The following BRINP3 variants were observed in gnomAD, a reference collection of about 807,000 sequenced individuals.
BRINP3 encodes BMP/retinoic acid inducible neural specific 3.
BRINP3 carries 19 observed loss-of-function variants against 71.0 expected under a neutral mutation model. That is an observed-to-expected ratio of 0.27 (90% CI 0.19 to 0.39). The LOEUF (loss-of-function observed/expected upper bound fraction) is 0.39. BRINP3 is among the 10% of genes least tolerant of loss of function. The pLI, the probability that BRINP3 is intolerant of heterozygous loss-of-function variation, is 1.00. For missense variants in BRINP3, 959 were observed against 940.8 expected (o/e 1.02, Z -0.25); for synonymous variants, 380 against 337.7 (o/e 1.13, Z -1.37).
intron 7 of BRINP3, among the ~76,000 whole-genome samples, chr1:190,151,753 C>A (rs1222067071): frequency 6.6e-6 from 1 of 152,072 alleles, no homozygotes; most frequent in Non-Finnish European, 1.5e-5. Context: ...ATACCCAGCA[C>A]AAAGAAGACA....
chr1:190,412,156 T>G (rs1169877125), intron 2 of BRINP3, among the ~76,000 whole-genome samples: 1 of 151,540 alleles, frequency 6.6e-6, no homozygotes, highest in Non-Finnish European at 1.5e-5. Flanking sequence ...AAAAAAAAAG[T>G]ACCTAACAGA....
chr1:190,297,296 G>A (rs1212525005), intron 2 of BRINP3, among the ~76,000 whole-genome samples: 1 of 151,974 alleles, frequency 6.6e-6, no homozygotes, highest in East Asian at 1.9e-4. Context: ...GAAATAAACA[G>A]TGTTGAGAAA....
intron 2 of BRINP3, among the ~76,000 whole-genome samples, chr1:190,302,148 T>A (rs2103000702): frequency 6.6e-6 from 1 of 150,910 alleles, no homozygotes; most frequent in South Asian, 2.1e-4. Context: ...TGAAAGCAAA[T>A]GACACATTAT....
chr1:190,313,927 A>T (rs1440551627), intron 2 of BRINP3, among the ~76,000 whole-genome samples: 2 of 152,180 alleles, frequency 1.3e-5, no homozygotes, highest in East Asian at 3.9e-4. Flanking sequence ...GAAAAACTAC[A>T]AATAGGTATT....
chr1:190,133,585 A>T (rs560133340), intron 7 of BRINP3, among the ~76,000 whole-genome samples: 3 of 152,120 alleles, frequency 2.0e-5, no homozygotes, highest in African/African-American at 7.2e-5. Context: ...TATATTCTAC[A>T]GCAATTAAAC....
intron 3 of BRINP3, among the ~76,000 whole-genome samples, chr1:190,271,326 A>G (rs374416295): frequency 1.3e-5 from 2 of 151,628 alleles, no homozygotes; most frequent in Non-Finnish European, 3.0e-5. Context: ...ATGATCTTGA[A>G]CAACACATCT....
rs942721794 is a variant in BRINP3 at position 190,187,754 on chromosome 1, T to A, written c.962-26864A>T. On this transcript the variant is annotated intron_variant, in intron 6 of 7. Coordinates refer to ENST00000367462, the MANE Select transcript of BRINP3 (RefSeq NM_199051.3). ...GGTCTATTTCCATGCCAGTGCCATG[T>A]TTTTTGTGTTTTTCTTTTTTTTCTA... Among the ~76,000 whole-genome samples the A allele has an allele frequency of 1.8e-4, 28 of 152,052 alleles. 1 individual carries two copies. Among genetic ancestry groups the A allele is most frequent in the East Asian group, 3.8e-4 (2 of 5,198 alleles).
At position 190,405,434 on chromosome 1, in the gene BRINP3, G is replaced by C. The variant is rs540657507; in HGVS notation, c.236+49221C>G. ...CCACTGCACTCCAGCCTGGGCGACAGAGCGAGACTCCGTCTCAAAAAAAAA... is the reference window on the plus strand; with the variant it reads ...CCACTGCACTCCAGCCTGGGCGACACAGCGAGACTCCGTCTCAAAAAAAAA... On this transcript the variant is annotated intron_variant, in intron 2 of 7. Coordinates refer to ENST00000367462, the MANE Select transcript of BRINP3 (RefSeq NM_199051.3). Among the ~76,000 whole-genome samples the C allele has an allele frequency of 3.4e-3, 394 of 117,494 alleles. 1 individual carries two copies. The highest frequency in any genetic ancestry group is 3.7e-3 in the Non-Finnish European group (226 of 61,852). 77.1% of individuals were successfully genotyped at this position (117,494 alleles called of 152,430 possible). A position where few individuals can be genotyped will look rare whatever the true frequency, so the allele number is the denominator to read the frequency against.
intron 7 of BRINP3, among the ~76,000 whole-genome samples, chr1:190,152,531 A>ACCCC (rs71123074): frequency 3.5e-3 from 297 of 84,630 alleles, no homozygotes; most frequent in Non-Finnish European, 5.1e-3. Context: ...ATCTCCCCCA[A>ACCCC]CCCCCCCCCC....
chr1:190,369,019 G>A (rs1011837809), intron 2 of BRINP3, among the ~76,000 whole-genome samples: 3 of 152,074 alleles, frequency 2.0e-5, no homozygotes, highest in Admixed American at 6.6e-5. Flanking sequence ...CCAGCCCTCA[G>A]TTTGGTCTGG....
intron 2 of BRINP3, among the ~76,000 whole-genome samples, chr1:190,433,456 A>T (rs1674239928): frequency 6.6e-6 from 1 of 152,126 alleles, no homozygotes; most frequent in African/African-American, 2.4e-5. Flanking sequence ...CTGATGAGTG[A>T]TTCTGCTATT....
At chr1:190,273,204 T>C (rs540653473) in intron 3 of BRINP3, among the ~76,000 whole-genome samples, 6 of 151,694 alleles carry the variant, frequency 4.0e-5, no homozygotes, top group East Asian at 1.9e-4. Flanking sequence ...TCAGAACCTA[T>C]GTAAATGACA....
At chr1:190,412,242 T>A (rs1182380174) in intron 2 of BRINP3, among the ~76,000 whole-genome samples, 4 of 151,920 alleles carry the variant, frequency 2.6e-5, no homozygotes, top group Non-Finnish European at 4.4e-5. Context: ...TATTACTTGG[T>A]AATAAAACAT....
chr1:190,272,507 T>C (rs947363862), intron 3 of BRINP3, among the ~76,000 whole-genome samples: 6 of 151,514 alleles, frequency 4.0e-5, no homozygotes, highest in Non-Finnish European at 5.9e-5. Flanking sequence ...CCCTCTACAG[T>C]ACCTGGTGGA....
At chr1:190,300,901 C>T (rs1424537147) in intron 2 of BRINP3, among the ~76,000 whole-genome samples, 2 of 151,954 alleles carry the variant, frequency 1.3e-5, no homozygotes, top group Non-Finnish European at 2.9e-5. Context: ...CAGTTCCTCA[C>T]CAGCAACGAA....
intron 2 of BRINP3, among the ~76,000 whole-genome samples, chr1:190,434,706 G>T (rs1421823724): frequency 6.7e-6 from 1 of 149,934 alleles, no homozygotes; most frequent in African/African-American, 2.5e-5. Flanking sequence ...CCCAAGATTT[G>T]TCCTACAGTA....
At chr1:190,126,595 T>C (rs777602636) in intron 7 of BRINP3, among the ~76,000 whole-genome samples, 20 of 151,936 alleles carry the variant, frequency 1.3e-4, no homozygotes, top group Non-Finnish European at 2.7e-4. Context: ...TCAGTGTCTT[T>C]GCATTTGATA....
rs369227678 is a variant in BRINP3, at chr1:190,354,481, T to C, written c.237-72731A>G. ...AGCAGAGGGCTCGTCACTTAAAAGG[T>C]GTTTCATAAATGCATACTAAATGAA... On this transcript the variant is annotated intron_variant, in intron 2 of 7. Coordinates refer to ENST00000367462, the MANE Select transcript of BRINP3 (RefSeq NM_199051.3). 6.1e-4 allele frequency among the ~76,000 whole-genome samples: 93 copies of C among 152,066 alleles called. 1 individual carries two copies. Among genetic ancestry groups the C allele is most frequent in the African/African-American group, 2.0e-3 (84 of 41,542 alleles).
At chr1:190,185,643 C>A (rs1044246986) in intron 6 of BRINP3, among the ~76,000 whole-genome samples, 2 of 152,018 alleles carry the variant, frequency 1.3e-5, no homozygotes, top group East Asian at 1.9e-4. Context: ...TGTAGACATC[C>A]ATGTCTCCTG....
Sources: gnomAD v4.1 joint callset for allele counts (sites outside exome capture counted in the v4.1 genomes callset) on GRCh38, gnomAD v4.1.1 for gene constraint, MANE v1.5 for transcripts, NCBI Gene and HGNC (gene_info 2026-07-23, HGNC 2026-07-21) for gene names.